SCART1: variants seen among roughly 807,000 people sequenced by gnomAD.
SCART1 encodes scavenger receptor cysteine-rich domain-containing protein SCART1.
SCART1 carries 62 observed loss-of-function variants against 36.2 expected under a neutral mutation model. The observed-to-expected ratio is 1.71, with a 90% confidence interval of 1.40 to 2.12. SCART1 has a LOEUF of 2.12. Ranked by LOEUF, SCART1 falls within the 30% of genes most tolerant of loss-of-function variation. SCART1 has a pLI of 0.00. For missense variants in SCART1, 1,041 were observed against 540.5 expected, an observed-to-expected ratio of 1.93 and a Z score of -9.18; for synonymous variants, 487 against 238.7, an observed-to-expected ratio of 2.04 and a Z score of -9.59.
chr10:133,454,106 A>T, intron 1 of SCART1, 42 bp downstream of exon 1: 1 of 702,364 alleles, frequency 1.4e-6, no homozygotes, highest in Non-Finnish European at 2.6e-6. Flanking sequence ...TTCTGGAGGC[A>T]TCAGCTCTGT....
intron 6 of SCART1, among the ~76,000 whole-genome samples, chr10:133,462,066 G>A (rs1850709111): frequency 6.6e-6 from 1 of 152,176 alleles, no homozygotes; most frequent in Non-Finnish European, 1.5e-5. Flanking sequence ...GGTCACTTCT[G>A]GCCCCTCCAG....
chr10:133,464,759 G>A lies in SCART1; in HGVS notation c.2123G>A (p.Gly708Glu), dbSNP rs1305284160. 8.6e-6 allele frequency: 6 copies of A among 697,714 alleles called. No homozygotes were observed. In the African/African-American group the frequency reaches 1.1e-4, roughly 13 times the overall value. 43.2% of individuals were successfully genotyped at this position (697,714 alleles called of 1,614,324 possible). The stretch of plus-strand genomic sequence containing the variant: ...AAGCAGCTGGGGTGTGGGGTGTGGG[G>A]AGTGGGGCTGGCTGGAGAACAGGCC... Residue 708 changes from glycine to glutamate, a missense_variant, in exon 7 of 12, where the codon GGA (glycine) becomes GAA (glutamate). Transcript: ENST00000640237.
intron 10 of SCART1, 118 bp downstream of exon 10, chr10:133,466,499 G>C: frequency 3.3e-6 from 2 of 605,694 alleles, no homozygotes; most frequent in East Asian, 5.5e-5. Context: ...TCAGGCCTAT[G>C]CAGACCTACC....
rs1413844900 is a variant in SCART1, at chr10:133,458,695, C to T, written c.979+39C>T. 6 of 698,656 alleles carry T rather than the reference C, an allele frequency of 8.6e-6. No individual in the cohort carries two copies. In the East Asian group the frequency reaches 1.6e-4, roughly 19 times the overall value. The allele number at this position is 698,656 out of a possible 1,614,324, so 43.3% of individuals were successfully genotyped here. A position where few individuals can be genotyped will look rare whatever the true frequency, so the allele number is the denominator to read the frequency against. The stretch of plus-strand genomic sequence containing the variant: ...TGTGGGCTCTGAAGGCTCAGCCCTG[C>T]CTTGTTCTCTGTCAAATCCCTTCGT... On this transcript the variant is annotated intron_variant, in intron 4 of 11. Transcript: ENST00000640237.
chr10:133,454,372 G>T (rs990519106), intron 1 of SCART1, among the ~76,000 whole-genome samples: 1 of 151,728 alleles, frequency 6.6e-6, no homozygotes, highest in Non-Finnish European at 1.5e-5. Flanking sequence ...ACAGAGTCCT[G>T]AGGGGTCCTG....
exon 6 of SCART1, chr10:133,460,003 G>C: frequency 1.9e-6 from 1 of 531,376 alleles, no homozygotes; most frequent in African/African-American, 2.0e-5. Flanking sequence ...GGCTGTGGCC[G>C]CGCCCTGAGC....
In SCART1 at chr10:133,464,725, A is replaced by G. The variant is rs139677244; in HGVS notation, c.2089A>G (p.Ile697Val). Reference sequence around the variant, plus strand: ...TGCCCTGAAGGACCTCTCCTTGTCCATCATCTGCAAGCAGCTGGGGTGTGG... The same window carrying G: ...TGCCCTGAAGGACCTCTCCTTGTCCGTCATCTGCAAGCAGCTGGGGTGTGG... The change falls in exon 7 of 12, where the codon ATC becomes GTC. Residue 697 changes from isoleucine (I) to valine (V), a missense_variant. Transcript: ENST00000640237. 5.1e-3 allele frequency: 3,572 copies of G among 699,246 alleles called. 22 individuals carry two copies. Among genetic ancestry groups the G allele is most frequent in the Admixed American group, 6.8e-3 (341 of 49,856 alleles). The allele number at this position is 699,246 out of a possible 1,614,324, so 43.3% of individuals were successfully genotyped here.
chr10:133,468,224 A>G, exon 12 of SCART1: 1 of 334,446 alleles, frequency 3.0e-6, no homozygotes, highest in Non-Finnish European at 5.4e-6. Context: ...AAATACACAT[A>G]GAAATCAGTG....
At chr10:133,460,496 A>ATATATATATATATATATTTTTTTT in intron 6 of SCART1, among the ~76,000 whole-genome samples, 2 of 136,016 alleles carry the variant, frequency 1.5e-5, no homozygotes, top group South Asian at 5.4e-4. Context: ...ATATTTATAT[A>ATATATATATATATATATTTTTTTT]TTTTAAAAAA....
chr10:133,456,144 G>A, intron 1 of SCART1, 93 bp from the exon 2 acceptor site: 2 of 642,268 alleles, frequency 3.1e-6, no homozygotes. Flanking sequence ...CGCTGCTGAG[G>A]CCTCACAGGC....
Position 133,460,057 on chromosome 10 carries a change from G to A in SCART1, c.1856G>A (p.Trp619Ter). ...TTCGGAGCCGGGGCAGGGCGCATCT[G>A]GCTGGACGAGCTGGGCTGCCAGGGC... The change falls in exon 6 of 12, where the codon TGG (tryptophan) becomes TAG (stop). Residue 619 changes from tryptophan (W) to a stop codon, truncating the protein, a stop_gained. Coordinates refer to ENST00000640237, the Ensembl canonical transcript of SCART1. LOFTEE classifies it high-confidence loss of function. The A allele has an allele frequency of 2.0e-6, 1 of 511,704 alleles. No homozygotes were observed. The highest frequency in any genetic ancestry group is 2.8e-5 in the South Asian group (1 of 35,280). 31.7% of individuals were successfully genotyped at this position (511,704 alleles called of 1,614,324 possible).
At chr10:133,466,105 C>A (rs1396304866) in intron 9 of SCART1, 130 bp from the exon 10 acceptor site, 1 of 629,360 alleles carries the variant, frequency 1.6e-6, no homozygotes, top group Admixed American at 2.5e-5. Context: ...AGATGCCCCC[C>A]CAGCACTTCC....
At chr10:133,465,762 C>G (rs566036801) in intron 9 of SCART1, 197 bp downstream of exon 9, 3 of 672,856 alleles carry the variant, frequency 4.5e-6, no homozygotes, top group African/African-American at 3.5e-5. Flanking sequence ...GGGTTTCCCC[C>G]TAATCTTTTT....
intron 1 of SCART1, among the ~76,000 whole-genome samples, chr10:133,454,911 C>T (rs1012022437): frequency 7.2e-5 from 11 of 152,118 alleles, no homozygotes; most frequent in Admixed American, 2.0e-4. Flanking sequence ...TGTCAACGAT[C>T]GCATGCACAA....
intron 6 of SCART1, chr10:133,464,325 GGGCGTGCAGTGAACC>G: frequency 2.5e-6 from 1 of 394,508 alleles, no homozygotes; most frequent in South Asian, 4.6e-5. Flanking sequence ...CAGTGAACCT[GGGCGTGCAGTGAACC>G]TGGGTGCTGC....
At chr10:133,456,181 T>A in intron 1 of SCART1, 56 bp from the exon 2 acceptor site, 1 of 662,972 alleles carries the variant, frequency 1.5e-6, no homozygotes, top group Non-Finnish European at 2.8e-6. Context: ...GGCTGCCATC[T>A]CCTCCTGCGC....
chr10:133,458,642 GGCTCAGGT>G lies in SCART1; in HGVS notation c.975_979+3del. ...CAGTGTGGGCATGGTCACGACGCGGGGCTCAGGTGCTCAGGTGAAGTCCTGTGTGTGGG... is the reference window on the plus strand; with the variant it reads ...CAGTGTGGGCATGGTCACGACGCGGGGCTCAGGTGAAGTCCTGTGTGTGGG... On this transcript the variant is annotated frameshift_variant, in exon 4 of 12. Coordinates refer to ENST00000640237, the Ensembl canonical transcript of SCART1. LOFTEE classifies it high-confidence loss of function. The G allele has an allele frequency of 8.6e-6, 6 of 700,350 alleles. No homozygotes were observed. The highest frequency in any genetic ancestry group is 1.7e-5 in the African/African-American group (1 of 57,250). The allele number at this position is 700,350 out of a possible 1,614,324, so 43.4% of individuals were successfully genotyped here.
At chr10:133,465,615 G>A in intron 9 of SCART1, 50 bp downstream of exon 9, 1 of 582,918 alleles carries the variant, frequency 1.7e-6, no homozygotes, top group South Asian at 2.1e-5. Flanking sequence ...AGAGGGCGCT[G>A]GGATGGAGTC....
At chr10:133,454,157 C>G in intron 1 of SCART1, 93 bp downstream of exon 1, 1 of 694,648 alleles carries the variant, frequency 1.4e-6, no homozygotes, top group South Asian at 1.5e-5. Context: ...CTGCAGTGAC[C>G]TGCCGTCTGC....
Sources: allele counts gnomAD v4.1 joint callset (sites outside exome capture counted in the v4.1 genomes callset), GRCh38; gene constraint gnomAD v4.1.1; transcripts MANE v1.5; gene names NCBI Gene and HGNC (gene_info 2026-07-23, HGNC 2026-07-21).